The following ZFAT variants were observed in gnomAD, a reference collection of about 807,000 sequenced individuals.
ZFAT encodes zinc finger protein ZFAT.
ZFAT carries 64 observed loss-of-function variants against 117.7 expected under a neutral mutation model. The ratio of observed to expected loss-of-function variants is 0.54; its 90% CI spans 0.44 to 0.67. The LOEUF is 0.67. Among genes scored for constraint, ZFAT ranks in the 30% least tolerant of loss-of-function variants. The pLI is 0.00. For synonymous variants in ZFAT, 679 were observed against 615.0 expected, an observed-to-expected ratio of 1.10 and a Z score of -1.54; for missense variants, 1,433 against 1,584.5, an observed-to-expected ratio of 0.90 and a Z score of 1.62.
chr8:134,626,913 G>A (rs188841034), intron 3 of ZFAT, among the ~76,000 whole-genome samples: 41 of 152,342 alleles, frequency 2.7e-4, no homozygotes, highest in African/African-American at 7.2e-4. Context: ...GATGTTTGCC[G>A]GGACTGCCTA....
At chr8:134,773,357 T>A in the ZFAT span, among the ~76,000 whole-genome samples, 2 of 152,198 alleles carry the variant, frequency 1.3e-5, no homozygotes, top group African/African-American at 2.4e-5. Context: ...GACGAAAGAT[T>A]CTTTTCAAAC....
intron 3 of ZFAT, among the ~76,000 whole-genome samples, chr8:134,633,818 G>A (rs1563703243): frequency 6.6e-6 from 1 of 152,228 alleles, no homozygotes; most frequent in Non-Finnish European, 1.5e-5. Flanking sequence ...GCCAAGTGAG[G>A]TGGATCACCT....
At chr8:134,742,997 A>T in the ZFAT span, among the ~76,000 whole-genome samples, 4 of 152,182 alleles carry the variant, frequency 2.6e-5, no homozygotes, top group Non-Finnish European at 4.4e-5. Context: ...CCCATTCACA[A>T]AGTCCATTGG....
intron 1 of ZFAT, 51 bp downstream of exon 1, chr8:134,712,794 C>G: frequency 7.3e-7 from 1 of 1,372,884 alleles, no homozygotes; most frequent in Non-Finnish European, 9.8e-7. Context: ...CCGCGCGCCG[C>G]GCCGCGCCCC....
chr8:134,482,606 C>T (rs1817392637), intron 15 of ZFAT, among the ~76,000 whole-genome samples: 1 of 152,192 alleles, frequency 6.6e-6, no homozygotes, highest in Admixed American at 6.5e-5. Context: ...TTAAAGATAA[C>T]CTTTCTCCAT....
At chr8:134,693,514 G>A (rs927486589) in intron 1 of ZFAT, among the ~76,000 whole-genome samples, 9 of 151,784 alleles carry the variant, frequency 5.9e-5, no homozygotes, top group Middle Eastern at 3.4e-3. Flanking sequence ...GTGCGGCTAT[G>A]TGAATTAGCT....
the ZFAT span, among the ~76,000 whole-genome samples, chr8:134,762,079 T>G: frequency 6.6e-6 from 1 of 152,018 alleles, no homozygotes; most frequent in South Asian, 2.1e-4. Flanking sequence ...TTAAGGCCTT[T>G]GTTTGTGGCC....
chr8:134,691,903 G>A (rs1213434156), intron 1 of ZFAT, among the ~76,000 whole-genome samples: 1 of 152,208 alleles, frequency 6.6e-6, no homozygotes, highest in Non-Finnish European at 1.5e-5. Context: ...TTTCCAGAGT[G>A]TTCACTTAAG....
At chr8:134,565,071 C>G in intron 11 of ZFAT, 1 of 1,442,346 alleles carries the variant, frequency 6.9e-7, no homozygotes, top group Non-Finnish European at 9.2e-7. Flanking sequence ...TGCTTTTATG[C>G]AAAGATCGTG....
intron 10 of ZFAT, among the ~76,000 whole-genome samples, chr8:134,575,950 C>G (rs1335427717): frequency 1.3e-5 from 2 of 152,204 alleles, no homozygotes; most frequent in African/African-American, 2.4e-5. Context: ...CTTCAAGCAA[C>G]TGCAGACTTA....
rs1201766729 is a variant in ZFAT at position 134,600,748 on chromosome 8, A to G, written c.2243-80T>C. ...ATTTTTTAAATTATTATTATTTTTT[A>G]TCTACAATATCTATCTCCCTCTTGC... On this transcript the variant is annotated intron_variant, in intron 6 of 15. Coordinates refer to ENST00000377838, the MANE Select transcript of ZFAT (RefSeq NM_020863.4). The G allele has an allele frequency of 3.7e-6, 4 of 1,089,368 alleles. No individual in the cohort carries two copies. In the Admixed American group the frequency reaches 8.9e-5, roughly 24 times the overall value. 67.5% of individuals were successfully genotyped at this position (1,089,368 alleles called of 1,614,324 possible). A position where few individuals can be genotyped will look rare whatever the true frequency, so the allele number is the denominator to read the frequency against.
the ZFAT span, among the ~76,000 whole-genome samples, chr8:134,820,672 A>C: frequency 6.6e-6 from 1 of 152,248 alleles, no homozygotes; most frequent in African/African-American, 2.4e-5. Context: ...CAAACATGGG[A>C]CATGTCACTT....
At chr8:134,512,266 C>T (rs757205552) in intron 14 of ZFAT, among the ~76,000 whole-genome samples, 10 of 152,228 alleles carry the variant, frequency 6.6e-5, no homozygotes, top group Non-Finnish European at 1.3e-4. Context: ...TGTTCGAAGG[C>T]TTTCCCTCTG....
intron 3 of ZFAT, among the ~76,000 whole-genome samples, chr8:134,620,391 A>T (rs1157693831): frequency 6.6e-6 from 1 of 152,196 alleles, no homozygotes; most frequent in African/African-American, 2.4e-5. Flanking sequence ...GGCACGCTGC[A>T]CAGTCAACTG....
At chr8:134,768,114 T>C in the ZFAT span, among the ~76,000 whole-genome samples, 7 of 152,336 alleles carry the variant, frequency 4.6e-5, no homozygotes, top group South Asian at 1.2e-3. Context: ...TTTTTACAAA[T>C]TGAAGGTTTG....
intron 3 of ZFAT, among the ~76,000 whole-genome samples, chr8:134,627,116 A>T (rs913822468): frequency 2.0e-5 from 3 of 152,208 alleles, no homozygotes; most frequent in Admixed American, 2.0e-4. Context: ...ATCCATGTCC[A>T]GCAAGAGCAG....
rs1427666807 is a variant in ZFAT, at chr8:134,601,536, T to A, written c.2183A>T (p.Asn728Ile). 1 of 1,614,070 alleles carries A rather than the reference T, an allele frequency of 6.2e-7. No individual in the cohort carries two copies. Among genetic ancestry groups the A allele is most frequent in the African/African-American group, 1.3e-5 (1 of 74,934 alleles). The change falls in exon 6 of 16, where the codon AAC (asparagine) becomes ATC (isoleucine). Residue 728 changes from asparagine (N) to isoleucine (I), a missense_variant. Asn to Ile is a moderately radical substitution (Grantham distance 149). Around this residue, in one of 5 missense-constraint regions of ZFAT, gnomAD observed 372 missense variants for 355.6 expected, o/e 1.05. Coordinates refer to ENST00000377838, the MANE Select transcript of ZFAT (RefSeq NM_020863.4). ...CCGGATCCGCTCACACAAGCTGGTG[T>A]TCATTTGCTTCTTCTGTAAACTGTT... ...VLNSLQKKQMNTSLCERIRKV... is the reference protein window; with the variant it reads ...VLNSLQKKQMITSLCERIRKV...
chr8:134,678,836 G>C (rs1021216692), intron 1 of ZFAT, among the ~76,000 whole-genome samples: 10 of 152,072 alleles, frequency 6.6e-5, no homozygotes, highest in African/African-American at 2.4e-4. Context: ...CAAGCAATGA[G>C]GAAAGGATTC....
In ZFAT at chr8:134,478,256, CA is replaced by C. The variant is rs1817017552; in HGVS notation, c.*225del. ...CTTTCAGGAAGCAGATGGTAAGGGT[CA>C]GGGGGTGTGTGTCTATGCTGGGGTG... On this transcript the variant is annotated 3_prime_UTR_variant, in exon 16 of 16. Coordinates refer to ENST00000377838, the MANE Select transcript of ZFAT (RefSeq NM_020863.4). The surrounding 1 kb of genome is among the most constrained non-coding windows in gnomAD (Gnocchi z 5.2). 3.3e-6 allele frequency: 2 copies of C among 601,194 alleles called. No individual in the cohort carries two copies. The highest frequency in any genetic ancestry group is 3.0e-5 in the Admixed American group (1 of 33,388). The allele number at this position is 601,194 out of a possible 1,614,324, so 37.2% of individuals were successfully genotyped here.
Sources: allele counts gnomAD v4.1 joint callset (sites outside exome capture counted in the v4.1 genomes callset), GRCh38; gene constraint gnomAD v4.1.1; regional missense constraint gnomAD v4.1.1; non-coding constraint Gnocchi (gnomAD v3.1); transcripts MANE v1.5; gene names NCBI Gene and HGNC (gene_info 2026-07-23, HGNC 2026-07-21).